The following HES7 variants were observed in gnomAD, a reference collection of about 807,000 sequenced individuals.
HES7 encodes the protein transcription factor HES-7.
A neutral mutation model predicts 18.0 loss-of-function variants in HES7; 8 were observed. The observed-to-expected ratio is 0.45, with a 90% CI of 0.26 to 0.80. The LOEUF (loss-of-function observed/expected upper bound fraction) is 0.80, where lower values mean the gene tolerates loss of function less well. Among genes scored for constraint, HES7 ranks in the 30% least tolerant of loss-of-function variants. The pLI is 0.18. For synonymous variants in HES7, 170 were observed against 158.6 expected, an observed-to-expected ratio of 1.07 and a Z score of -0.54; for missense variants, 356 against 340.9, an observed-to-expected ratio of 1.04 and a Z score of -0.35.
chr17:8,121,565 C>G lies in HES7; in HGVS notation c.*6G>C, dbSNP rs1981322474. The stretch of plus-strand genomic sequence containing the variant: ...CCTAGACCCCGCCCCCACCACCCCC[C>G]AAGGCTCAGGGCCAAGGTCTCCAGA... On this transcript the variant is annotated 3_prime_UTR_variant, in exon 4 of 4. Transcript: ENST00000541682. The G allele has an allele frequency of 3.8e-6, 5 of 1,300,298 alleles. No homozygotes were observed. Among genetic ancestry groups the G allele is most frequent in the Non-Finnish European group, 4.9e-6 (5 of 1,030,792 alleles). The allele number at this position is 1,300,298 out of a possible 1,614,324, so 80.5% of individuals were successfully genotyped here.
rs1490080981 is a variant in HES7, at chr17:8,122,514, A to T, written c.139-84T>A. ...GGCAGGGGGAAGAAGGGAGGGACGG[A>T]TGCGGGAGCTGGTGGTGCCCCCGAT... On this transcript the variant is annotated intron_variant, in intron 2 of 3. Coordinates refer to ENST00000541682, the MANE Select transcript of HES7 (RefSeq NM_001165967.2). This position sits in a 1 kb window ranked among gnomAD's most constrained non-coding sequence, Gnocchi z 6.9. 1 of 964,308 alleles carries T rather than the reference A, an allele frequency of 1.0e-6. No homozygotes were observed. Among genetic ancestry groups the T allele is most frequent in the African/African-American group, 1.6e-5 (1 of 61,152 alleles). The allele number at this position is 964,308 out of a possible 1,614,324, so 59.7% of individuals were successfully genotyped here. A position where few individuals can be genotyped will look rare whatever the true frequency, so the allele number is the denominator to read the frequency against.
Position 8,121,681 on chromosome 17 carries a change from G to T in HES7, c.583C>A (p.Pro195Thr). 1.5e-6 allele frequency: 2 copies of T among 1,326,328 alleles called. No homozygotes were observed. Among genetic ancestry groups the T allele is most frequent in the Non-Finnish European group, 1.9e-6 (2 of 1,044,624 alleles). 82.2% of individuals were successfully genotyped at this position (1,326,328 alleles called of 1,614,324 possible). Reference protein sequence around the residue: ...CSPRAGDSGAPAPLTGLLPPP... With the variant: ...CSPRAGDSGATAPLTGLLPPP... ...GGCAGCAGTCCGGTGAGGGGCGCCG[G>T]CGCGCCAGAATCCCCGGCGCGCGGG... is the stretch of plus-strand genomic sequence containing the variant. The change falls in exon 4 of 4, where the codon CCG (proline) becomes ACG (threonine). Residue 195 changes from proline (P) to threonine (T), a missense_variant. Pro to Thr is a conservative substitution (Grantham distance 38, BLOSUM62 -1). Coordinates refer to ENST00000541682, the MANE Select transcript of HES7 (RefSeq NM_001165967.2).
rs1167419514 is a variant in HES7 at position 8,121,882 on chromosome 17, G to A, written c.382C>T (p.His128Tyr). The A allele has an allele frequency of 6.4e-7, 1 of 1,572,902 alleles. No homozygotes were observed. The highest frequency in any genetic ancestry group is 1.1e-5 in the South Asian group (1 of 88,734). ...GGCGGTTTGGGGCGCAGATAGCCGT[G>A]CAGCGCGGAGAAGAGCTGGGCGCGG... is the stretch of plus-strand genomic sequence containing the variant. Reference protein sequence around the residue: ...AARAQLFSALHGYLRPKPPRP... With the variant: ...AARAQLFSALYGYLRPKPPRP... The change falls in exon 4 of 4, where the codon CAC (histidine) becomes TAC (tyrosine). Residue 128 changes from histidine (H) to tyrosine (Y), a missense_variant. Physicochemically the swap from His to Tyr is moderately conservative, Grantham distance 83. Coordinates refer to ENST00000541682, the MANE Select transcript of HES7 (RefSeq NM_001165967.2).
Position 8,122,438 on chromosome 17 carries a change from C to T in HES7, c.139-8G>A. On this transcript the variant is annotated splice_polypyrimidine_tract_variant and splice_region_variant and intron_variant, in intron 2 of 3. Coordinates refer to ENST00000541682, the MANE Select transcript of HES7 (RefSeq NM_001165967.2). This position sits in a 1 kb window ranked among gnomAD's most constrained non-coding sequence, Gnocchi z 6.9. ...CTTCGGGTTCCGGAGGTTCTACAGA[C>T]GGGAGGGGAGGGCGCAGAGACAGAA... The T allele has an allele frequency of 6.4e-7, 1 of 1,559,354 alleles. No individual in the cohort carries two copies. Among genetic ancestry groups the T allele is most frequent in the Non-Finnish European group, 8.7e-7 (1 of 1,148,360 alleles).
At position 8,122,357 on chromosome 17, in the gene HES7, C is replaced by T; in HGVS notation, c.212G>A (p.Arg71Gln). ...CCGCGCTGTACCCGGGGGCTCCACC[C>T]GGCTTCGCTCCCTCAAGTAGCCCAC... ...FAVGYLRERSRVEPPAAAAPG... is the reference protein window; with the variant it reads ...FAVGYLRERSQVEPPAAAAPG... Residue 71 changes from arginine to glutamine, a missense_variant, in exon 3 of 4, where the codon CGG becomes CAG. By Grantham distance (43) the Arg-to-Gln change is conservative. Transcript: ENST00000541682. This position sits in a 1 kb window ranked among gnomAD's most constrained non-coding sequence, Gnocchi z 6.9. 2 of 1,593,658 alleles carry T rather than the reference C, an allele frequency of 1.3e-6. No homozygotes were observed. Among genetic ancestry groups the T allele is most frequent in the Non-Finnish European group, 1.7e-6 (2 of 1,170,366 alleles).
rs541441476 is a variant in HES7, at chr17:8,123,809, C to A, written c.42+234G>T. ...CTCCCCAGGCCACAAGGTGCCGACA[C>A]CCATTACCGAGGCCCCTAGTCCTAT... is the stretch of plus-strand genomic sequence containing the variant. On this transcript the variant is annotated intron_variant, in intron 1 of 3. Transcript: ENST00000541682. This position sits in a 1 kb window ranked among gnomAD's most constrained non-coding sequence, Gnocchi z 5.9. Among the ~76,000 whole-genome samples, 5 of 152,366 alleles carry A rather than the reference C, an allele frequency of 3.3e-5. No individual in the cohort carries two copies. Among genetic ancestry groups the A allele is most frequent in the African/African-American group, 1.2e-4 (5 of 41,592 alleles).
Position 8,122,879 on chromosome 17 carries a change from TG to T in HES7, c.138+151del. 1.4e-6 allele frequency: 1 copy of T among 701,134 alleles called. No individual in the cohort carries two copies. Among genetic ancestry groups the T allele is most frequent in the Non-Finnish European group, 2.6e-6 (1 of 378,242 alleles). 43.4% of individuals were successfully genotyped at this position (701,134 alleles called of 1,614,324 possible). A position where few individuals can be genotyped will look rare whatever the true frequency, so the allele number is the denominator to read the frequency against. On this transcript the variant is annotated intron_variant, in intron 2 of 3. Transcript: ENST00000541682. This position sits in a 1 kb window ranked among gnomAD's most constrained non-coding sequence, Gnocchi z 6.9. ...AAGAAGATCGCGTTCTGAGAGCGAG[TG>T]GGGGTCTGGGATGGAATTCCAAAGG...
chr17:8,122,380 C>A lies in HES7; in HGVS notation c.189G>T (p.Val63=). 1 of 1,599,530 alleles carries A rather than the reference C, an allele frequency of 6.3e-7. No homozygotes were observed. Among genetic ancestry groups the A allele is most frequent in the East Asian group, 2.3e-5 (1 of 44,158 alleles). ...CCCGGCTTCGCTCCCTCAAGTAGCC[C>A]ACGGCGAACTCCAATATCTCCGCTT... is the stretch of plus-strand genomic sequence containing the variant. The part of the protein sequence containing the change: ...LEKAEILEFA[V]GYLRERSRVE... The change falls in exon 3 of 4, where the codon GTG becomes GTT. Residue 63 remains valine, a synonymous_variant. Transcript: ENST00000541682. The surrounding 1 kb of genome is among the most constrained non-coding windows in gnomAD (Gnocchi z 6.9).
Position 8,121,463 on chromosome 17 carries a change from C to T in HES7, c.*108G>A. 1.0e-6 allele frequency: 1 copy of T among 972,918 alleles called. No individual in the cohort carries two copies. The highest frequency in any genetic ancestry group is 1.3e-6 in the Non-Finnish European group (1 of 744,332). 60.3% of individuals were successfully genotyped at this position (972,918 alleles called of 1,614,324 possible). ...ACCCGCGCGCTGAGCCCGCGCGCCC[C>T]ACTGCCCTCCCCAACACCTGCTCGC... On this transcript the variant is annotated 3_prime_UTR_variant, in exon 4 of 4. Transcript: ENST00000541682.
chr17:8,122,347 G>A lies in HES7; in HGVS notation c.222C>T (p.Pro74=). 6.3e-7 allele frequency: 1 copy of A among 1,589,630 alleles called. No individual in the cohort carries two copies. The highest frequency in any genetic ancestry group is 1.1e-5 in the South Asian group (1 of 87,252). ...GYLRERSRVE[P]PAAAAPGVPR... ...TGCCCCACCCCCGCGCTGTACCCGGGGGCTCCACCCGGCTTCGCTCCCTCA... is the reference window on the plus strand; with the variant it reads ...TGCCCCACCCCCGCGCTGTACCCGGAGGCTCCACCCGGCTTCGCTCCCTCA... Residue 74 remains proline, a synonymous_variant, in exon 3 of 4, where the codon CCC becomes CCT. Transcript: ENST00000541682. This position sits in a 1 kb window ranked among gnomAD's most constrained non-coding sequence, Gnocchi z 6.9.
Position 8,121,847 on chromosome 17 carries a change from C to A in HES7, c.417G>T (p.Lys139Asn), listed in dbSNP as rs757665555. 1.0e-4 allele frequency: 159 copies of A among 1,572,476 alleles called. No homozygotes were observed. Among genetic ancestry groups the A allele is most frequent in the Middle Eastern group, 4.0e-4 (2 of 5,050 alleles). Residue 139 changes from lysine (K) to asparagine (N), a missense_variant, in exon 4 of 4, where the codon AAG becomes AAT. Lys to Asn is a moderately conservative substitution (Grantham distance 94). Transcript: ENST00000541682. ...GYLRPKPPRPKPVDPRPPAPR... is the reference protein window; with the variant it reads ...GYLRPKPPRPNPVDPRPPAPR... ...GCGCTGGAGGCCTCGGATCTACCGGCTTGGGCCGGGGCGGTTTGGGGCGCA... is the reference window on the plus strand; with the variant it reads ...GCGCTGGAGGCCTCGGATCTACCGGATTGGGCCGGGGCGGTTTGGGGCGCA...
chr17:8,122,320 G>T lies in HES7; in HGVS notation c.226+23C>A. ...CCTGGCGTCCCCCCTCCCTCCCTCC[G>T]CTGCCCCACCCCCGCGCTGTACCCG... On this transcript the variant is annotated intron_variant, in intron 3 of 3. Coordinates refer to ENST00000541682, the MANE Select transcript of HES7 (RefSeq NM_001165967.2). This position sits in a 1 kb window ranked among gnomAD's most constrained non-coding sequence, Gnocchi z 6.9. 4 of 891,974 alleles carry T rather than the reference G, an allele frequency of 4.5e-6. No individual in the cohort carries two copies. The highest frequency in any genetic ancestry group is 6.9e-6 in the Non-Finnish European group (4 of 581,480). The allele number at this position is 891,974 out of a possible 1,614,324, so 55.3% of individuals were successfully genotyped here.
At chr17:8,126,026 C>T (rs547969958), upstream of HES7, among the ~76,000 whole-genome samples, 9 of 152,046 alleles carry the variant, frequency 5.9e-5, no homozygotes, top group African/African-American at 2.2e-4. Context: ...ACACCCCCCT[C>T]CCTCCGTCCC....
At chr17:8,125,683 T>G, upstream of HES7, among the ~76,000 whole-genome samples, 1 of 152,180 alleles carries the variant, frequency 6.6e-6, no homozygotes. Flanking sequence ...CACCGTTGCC[T>G]GTCCGGGTCC....
Position 8,122,785 on chromosome 17 carries a change from G to T in HES7, c.138+246C>A, listed in dbSNP as rs942304705. Among the ~76,000 whole-genome samples the T allele has an allele frequency of 2.6e-5, 4 of 152,188 alleles. No homozygotes were observed. Among genetic ancestry groups the T allele is most frequent in the African/African-American group, 4.8e-5 (2 of 41,452 alleles). On this transcript the variant is annotated intron_variant, in intron 2 of 3. Coordinates refer to ENST00000541682, the MANE Select transcript of HES7 (RefSeq NM_001165967.2). The surrounding 1 kb of genome is among the most constrained non-coding windows in gnomAD (Gnocchi z 6.9). The stretch of plus-strand genomic sequence containing the variant: ...CCGGACACTTAGAGACCCAAAGGGT[G>T]AAACTGACCGACCCCGGGAGCGAAA...
chr17:8,123,224 C>A lies in HES7; in HGVS notation c.43-98G>T, dbSNP rs886865592. ...CGCCGCTGGGAGAGCCCGGCTTCCA[C>A]CCCGGCCACAAGACCCCAGATTGCC... is the stretch of plus-strand genomic sequence containing the variant. On this transcript the variant is annotated intron_variant, in intron 1 of 3. Transcript: ENST00000541682. The surrounding 1 kb of genome is among the most constrained non-coding windows in gnomAD (Gnocchi z 5.9). The A allele has an allele frequency of 1.1e-5, 10 of 951,482 alleles. No individual in the cohort carries two copies. The highest frequency in any genetic ancestry group is 1.5e-5 in the Non-Finnish European group (9 of 611,288). 58.9% of individuals were successfully genotyped at this position (951,482 alleles called of 1,614,324 possible).
At chr17:8,124,490 G>A (rs1301064569), upstream of HES7, among the ~76,000 whole-genome samples, 3 of 152,158 alleles carry the variant, frequency 2.0e-5, no homozygotes, top group Non-Finnish European at 4.4e-5. Context: ...CAGCCCCCAG[G>A]CTGAATTTTA....
chr17:8,122,052 G>C lies in HES7; in HGVS notation c.227-15C>G. 1.3e-6 allele frequency: 2 copies of C among 1,494,382 alleles called. No homozygotes were observed. Among genetic ancestry groups the C allele is most frequent in the South Asian group, 1.3e-5 (1 of 78,802 alleles). The allele number at this position is 1,494,382 out of a possible 1,614,324, so 92.6% of individuals were successfully genotyped here. ...AGCCGCGGCGGCTGGTGCGGCCGGC[G>C]GGAGCACAGGTGGGCAGGGCAGGGG... is the stretch of plus-strand genomic sequence containing the variant. On this transcript the variant is annotated splice_polypyrimidine_tract_variant and intron_variant, in intron 3 of 3. Coordinates refer to ENST00000541682, the MANE Select transcript of HES7 (RefSeq NM_001165967.2). The surrounding 1 kb of genome is among the most constrained non-coding windows in gnomAD (Gnocchi z 6.9).
chr17:8,121,269 T>G lies in HES7; in HGVS notation c.*302A>C. On this transcript the variant is annotated 3_prime_UTR_variant, in exon 4 of 4. Coordinates refer to ENST00000541682, the MANE Select transcript of HES7 (RefSeq NM_001165967.2). ...CCCTGGCTCGGGGACACACGGGGAT[T>G]TAATAACCACTTTATTCCATGCACT... 3.6e-6 allele frequency: 1 copy of G among 277,588 alleles called. No individual in the cohort carries two copies. Among genetic ancestry groups the G allele is most frequent in the Non-Finnish European group, 6.7e-6 (1 of 149,700 alleles). The allele number at this position is 277,588 out of a possible 1,614,324, so 17.2% of individuals were successfully genotyped here.
Sources: gnomAD v4.1 joint callset for allele counts (sites outside exome capture counted in the v4.1 genomes callset) on GRCh38, gnomAD v4.1.1 for gene constraint, Gnocchi (gnomAD v3.1) non-coding constraint, MANE v1.5 for transcripts, NCBI Gene and HGNC (gene_info 2026-07-23, HGNC 2026-07-21) for gene names.